Variants in DST observed in about 807,000 individuals in gnomAD.
DST encodes bullous pemphigoid antigen.
A neutral mutation model predicts 875.2 loss-of-function variants in DST; 253 were observed. The ratio of observed to expected loss-of-function variants is 0.29; its 90% confidence interval spans 0.26 to 0.32. The LOEUF (loss-of-function observed/expected upper bound fraction) is 0.32, where lower values mean the gene tolerates loss of function less well. Among genes scored for constraint, DST ranks in the 10% least tolerant of loss-of-function variants. DST has a pLI of 1.00. For missense variants in DST, 8,287 were observed against 9,111.6 expected, an observed-to-expected ratio of 0.91 and a Z score of 3.68; for synonymous variants, 3,124 against 3,197.1, an observed-to-expected ratio of 0.98 and a Z score of 0.77.
chr6:56,484,482 A>G (rs1217180926), intron 88 of DST: 1 of 152,196 alleles, frequency 6.6e-6, no homozygotes, highest in Admixed American at 6.5e-5. Context: ...TAACCAATAT[A>G]AAGAGAACAT....
intron 4 of DST, among the ~76,000 whole-genome samples, chr6:56,738,918 T>C (rs138865515): frequency 6.6e-5 from 10 of 152,150 alleles, no homozygotes; most frequent in African/African-American, 2.4e-4. Flanking sequence ...CCACTGTGTC[T>C]GACCCTAAAA....
In DST at chr6:56,517,498, C is replaced by T. The variant is rs200813187; in HGVS notation, c.18249+3G>A. On this transcript the variant is annotated splice_donor_region_variant and intron_variant, in intron 70 of 103. Coordinates refer to ENST00000680361, the MANE Select transcript of DST (RefSeq NM_001374736.1). ...TATGGCAATTGGAAATGTATTTCTTCACCTTTTGAACTTGAAGCTGAGCAG... is the reference window on the plus strand; with the variant it reads ...TATGGCAATTGGAAATGTATTTCTTTACCTTTTGAACTTGAAGCTGAGCAG... 67 of 1,611,572 alleles carry T rather than the reference C, an allele frequency of 4.2e-5. No individual in the cohort carries two copies. Among genetic ancestry groups the T allele is most frequent in the Non-Finnish European group, 5.3e-5 (62 of 1,178,856 alleles).
intron 92 of DST, among the ~76,000 whole-genome samples, chr6:56,475,502 T>A (rs895789713): frequency 6.6e-6 from 1 of 152,166 alleles, no homozygotes; most frequent in East Asian, 1.9e-4. Flanking sequence ...TGTAAATGCA[T>A]ATTAAACAAA....
intron 36 of DST, chr6:56,620,727 A>T (rs2098683095): frequency 6.2e-7 from 1 of 1,606,782 alleles, no homozygotes; most frequent in Non-Finnish European, 8.5e-7. Context: ...TACAAAAGAC[A>T]TTTTGAAAGT....
In DST at chr6:56,779,562, T is replaced by A. The variant is rs187385846; in HGVS notation, c.626-44273A>T. Among the ~76,000 whole-genome samples the A allele has an allele frequency of 1.7e-3, 256 of 152,088 alleles. 2 individuals are homozygous for A. Among genetic ancestry groups the A allele is most frequent in the African/African-American group, 5.7e-3 (236 of 41,404 alleles). On this transcript the variant is annotated intron_variant, in intron 4 of 103. Coordinates refer to ENST00000680361, the MANE Select transcript of DST (RefSeq NM_001374736.1). ...AATCCATCTTGAATTAATTTTTGTA[T>A]AAGGTGTAAGGAAGGGATCCAGTTT...
intron 3 of DST, 44 bp from the exon 4 acceptor site, chr6:56,851,648 ACATATG>A (rs1465000881): frequency 1.3e-6 from 2 of 1,590,058 alleles, no homozygotes; most frequent in African/African-American, 2.7e-5. Flanking sequence ...CAAAATACTC[ACATATG>A]CTCAATGATT....
intron 9 of DST, among the ~76,000 whole-genome samples, chr6:56,680,566 T>C (rs2099152230): frequency 6.6e-6 from 1 of 152,216 alleles, no homozygotes; most frequent in African/African-American, 2.4e-5. Context: ...CACTGAGGCA[T>C]CTGTCACTGG....
intron 9 of DST, chr6:56,692,339 G>C (rs1489550632): frequency 2.0e-6 from 2 of 978,376 alleles, no homozygotes; most frequent in East Asian, 1.2e-4. Flanking sequence ...TCTGATGTGA[G>C]CACCTGGAAC....
chr6:56,634,687 A>AT (rs879328161), intron 25 of DST, 71 bp from the exon 26 acceptor site: 155 of 1,607,190 alleles, frequency 9.6e-5, no homozygotes, highest in Non-Finnish European at 1.2e-4. Flanking sequence ...CAATCCTGGG[A>AT]TTTTTTTTGT....
At chr6:56,741,281 G>A (rs895122474) in intron 4 of DST, among the ~76,000 whole-genome samples, 3 of 152,118 alleles carry the variant, frequency 2.0e-5, no homozygotes, top group Admixed American at 6.5e-5. Context: ...ATGATATTTC[G>A]TAGGTACTAC....
At chr6:56,840,084 T>C (rs1269553120) in intron 4 of DST, among the ~76,000 whole-genome samples, 1 of 152,220 alleles carries the variant, frequency 6.6e-6, no homozygotes, top group East Asian at 1.9e-4. Flanking sequence ...CTATAAGGTA[T>C]AGAATGAAAT....
intron 8 of DST, among the ~76,000 whole-genome samples, chr6:56,701,563 T>C (rs1212819937): frequency 6.6e-6 from 1 of 152,190 alleles, no homozygotes; most frequent in Non-Finnish European, 1.5e-5. Context: ...GAACTGTTCA[T>C]AGGCATTCTT....
At position 56,489,582 on chromosome 6, in the gene DST, C is replaced by G. The variant is rs773374938; in HGVS notation, c.20785G>C (p.Glu6929Gln). The G allele has an allele frequency of 5.0e-6, 8 of 1,612,472 alleles. No homozygotes were observed. The highest frequency in any genetic ancestry group is 6.8e-6 in the Non-Finnish European group (8 of 1,179,200). ...GACTTTTCTGACTCTTCTAGCCACT[C>G]CATAAGTTTACTCCAAGCTTCATGG... ...QFHEAWSKLM[E>Q]WLEESEKSLD... The change falls in exon 86 of 104, where the codon GAG becomes CAG. Residue 6929 changes from glutamate to glutamine, a missense_variant. Coordinates refer to ENST00000680361, the MANE Select transcript of DST (RefSeq NM_001374736.1).
chr6:56,604,891 T>C lies in DST; in HGVS notation c.9737A>G (p.Asp3246Gly), dbSNP rs766457055. The C allele has an allele frequency of 7.4e-6, 12 of 1,612,590 alleles. No individual in the cohort carries two copies. In the Admixed American group the frequency reaches 2.0e-4, roughly 27 times the overall value. The change falls in exon 40 of 104, where the codon GAT (aspartate) becomes GGT (glycine). Residue 3246 changes from aspartate to glycine, a missense_variant. Coordinates refer to ENST00000680361, the MANE Select transcript of DST (RefSeq NM_001374736.1). ...SPLNDMIQSN[D>G]LCSKESISGG... ...TGAGATGCTTTCTTTACTACAAAGA[T>C]CATTGCTTTGGATCATGTCATTAAG...
intron 2 of DST, among the ~76,000 whole-genome samples, chr6:56,947,810 T>A (rs933448472): frequency 6.6e-6 from 1 of 152,184 alleles, no homozygotes; most frequent in Non-Finnish European, 1.5e-5. Context: ...TATACCAACC[T>A]GGGATTTTGC....
chr6:56,575,261 G>C (rs543528076), intron 50 of DST, among the ~76,000 whole-genome samples: 2 of 152,286 alleles, frequency 1.3e-5, no homozygotes, highest in African/African-American at 4.8e-5. Context: ...TGGAGACTAT[G>C]CTCATTACTT....
intron 3 of DST, among the ~76,000 whole-genome samples, chr6:56,874,402 C>T (rs941510925): frequency 1.3e-5 from 2 of 152,192 alleles, no homozygotes; most frequent in Non-Finnish European, 2.9e-5. Context: ...GAAAGTGGCA[C>T]ATGAGCCAAT....
chr6:56,635,192 T>A (rs928560491), intron 24 of DST, among the ~76,000 whole-genome samples: 1 of 152,188 alleles, frequency 6.6e-6, no homozygotes, highest in Non-Finnish European at 1.5e-5. Flanking sequence ...TTTACTTATT[T>A]ATTCTGTTTA....
intron 3 of DST, among the ~76,000 whole-genome samples, chr6:56,877,566 T>C (rs6911654): frequency 0.3 from 44,951 of 152,084 alleles, 8,685 homozygotes; most frequent in African/African-American, 0.56. Context: ...AAAATAAATA[T>C]ATAAATAAAT....
Sources: allele counts gnomAD v4.1 joint callset (sites outside exome capture counted in the v4.1 genomes callset), GRCh38; gene constraint gnomAD v4.1.1; transcripts MANE v1.5; gene names NCBI Gene and HGNC (gene_info 2026-07-23, HGNC 2026-07-21).